The following DHX8 variants were observed in gnomAD, a reference collection of about 807,000 sequenced individuals.
DHX8 encodes the protein ATP-dependent RNA helicase DHX8.
DHX8 carries 67 observed loss-of-function variants against 140.7 expected under a neutral mutation model. That is an observed-to-expected ratio of 0.48 (90% CI 0.39 to 0.58). The LOEUF (loss-of-function observed/expected upper bound fraction) is 0.58, where lower values mean the gene tolerates loss of function less well. Among genes scored for constraint, DHX8 ranks in the 20% least tolerant of loss-of-function variants. The probability of loss-of-function intolerance (pLI) is 0.00; values close to 1 mark genes in which losing one functional copy is unlikely to be tolerated. For missense variants in DHX8, 887 were observed against 1,550.7 expected, an observed-to-expected ratio of 0.57 and a Z score of 7.19; for synonymous variants, 533 against 553.2, an observed-to-expected ratio of 0.96 and a Z score of 0.51.
intron 9 of DHX8, among the ~76,000 whole-genome samples, chr17:43,497,233 A>G (rs987028072): frequency 1.3e-5 from 2 of 151,312 alleles, no homozygotes; most frequent in Non-Finnish European, 2.9e-5. Flanking sequence ...TTTGACTTAC[A>G]TATTTTTGAT....
At chr17:43,531,312 T>G (rs912097358), downstream of DHX8, among the ~76,000 whole-genome samples, 3 of 152,222 alleles carry the variant, frequency 2.0e-5, no homozygotes, top group Non-Finnish European at 4.4e-5. Context: ...TTCCTGGGAC[T>G]GGCCCTCCTT....
rs143085637 is a variant in DHX8, at chr17:43,521,895, G to A, written c.3264-152G>A. The A allele has an allele frequency of 2.4e-5, 19 of 794,054 alleles. No individual in the cohort carries two copies. The East Asian group carries it at 4.4e-4, about 18-fold the overall frequency. 49.2% of individuals were successfully genotyped at this position (794,054 alleles called of 1,614,324 possible). A position where few individuals can be genotyped will look rare whatever the true frequency, so the allele number is the denominator to read the frequency against. The stretch of plus-strand genomic sequence containing the variant: ...CTCTGAGTGCCTCCGTCTGCCCACT[G>A]TGTAGAGCTGCCTCTGTAGTACACT... On this transcript the variant is annotated intron_variant, in intron 21 of 22. Coordinates refer to ENST00000262415, the MANE Select transcript of DHX8 (RefSeq NM_004941.3).
rs771346790 is a variant in DHX8, at chr17:43,484,206, G to A, written c.148+21G>A. 17 of 1,608,766 alleles carry A rather than the reference G, an allele frequency of 1.1e-5. No homozygotes were observed. The Admixed American group carries it at 2.9e-4, about 27-fold the overall frequency. On this transcript the variant is annotated intron_variant, in intron 1 of 22. Transcript: ENST00000262415. ...CCTTGGTGAGCTCGGGGAGGTCCCT[G>A]GGACCTCAGTTTGGGATTGAGGGAA... is the stretch of plus-strand genomic sequence containing the variant.
intron 2 of DHX8, chr17:43,532,835 C>A (rs765042888): frequency 6.2e-7 from 1 of 1,613,774 alleles, no homozygotes; most frequent in Admixed American, 1.7e-5. Flanking sequence ...ATAGGGTGGG[C>A]AGGGCTCCGA....
chr17:43,529,763 G>C, downstream of DHX8: 1 of 1,591,230 alleles, frequency 6.3e-7, no homozygotes, highest in Non-Finnish European at 8.6e-7. Flanking sequence ...TTCTCGAAGG[G>C]GTCTCCCCAG....
At chr17:43,493,651 A>G in intron 7 of DHX8, 32 bp from the exon 8 acceptor site, 1 of 1,614,216 alleles carries the variant, frequency 6.2e-7, no homozygotes, top group Non-Finnish European at 8.5e-7. Context: ...GAGGACAGCA[A>G]GTGAGACAGC....
At chr17:43,513,082 A>G (rs1241373214) in intron 16 of DHX8, among the ~76,000 whole-genome samples, 3 of 152,214 alleles carry the variant, frequency 2.0e-5, no homozygotes, top group Non-Finnish European at 4.4e-5. Flanking sequence ...TGAGATACAC[A>G]GTAGCTATTT....
chr17:43,533,796 C>G, intron 2 of DHX8: 1 of 1,580,594 alleles, frequency 6.3e-7, no homozygotes, highest in Admixed American at 1.9e-5. Flanking sequence ...CTCATGGGTG[C>G]CCCCTGCCTC....
intron 2 of DHX8, chr17:43,534,076 C>T: frequency 7.6e-7 from 1 of 1,318,460 alleles, no homozygotes; most frequent in Non-Finnish European, 9.8e-7. Context: ...TGAGGACCAG[C>T]TGGGTGACTG....
chr17:43,506,932 T>C (rs1203057578), intron 12 of DHX8, 71 bp from the exon 13 acceptor site: 3 of 1,194,076 alleles, frequency 2.5e-6, no homozygotes, highest in Non-Finnish European at 3.5e-6. Flanking sequence ...ACCATATTTA[T>C]ATTCTGTTTA....
chr17:43,542,550 C>A (rs1351284548), intron 3 of DHX8, among the ~76,000 whole-genome samples: 1 of 152,164 alleles, frequency 6.6e-6, no homozygotes, highest in Non-Finnish European at 1.5e-5. Context: ...TCCCCAACAT[C>A]TCAACAGATC....
At chr17:43,534,442 C>T (rs1971128615) in intron 2 of DHX8, among the ~76,000 whole-genome samples, 1 of 152,050 alleles carries the variant, frequency 6.6e-6, no homozygotes. Context: ...TGCAGTGAGC[C>T]GAGATCATGC....
chr17:43,522,924 G>C (rs1291510668), intron 22 of DHX8, among the ~76,000 whole-genome samples: 8 of 148,700 alleles, frequency 5.4e-5, no homozygotes, highest in Non-Finnish European at 4.5e-5. Context: ...TTAGCCAGGC[G>C]TGGTGGCAGG....
At chr17:43,535,363 C>T (rs186705807) in intron 2 of DHX8, among the ~76,000 whole-genome samples, 1 of 152,112 alleles carries the variant, frequency 6.6e-6, no homozygotes, top group Non-Finnish European at 1.5e-5. Flanking sequence ...CTGCAACCTC[C>T]GCCTCCCAGG....
At chr17:43,502,250 A>G (rs1016303912) in intron 11 of DHX8, among the ~76,000 whole-genome samples, 2 of 152,212 alleles carry the variant, frequency 1.3e-5, no homozygotes, top group African/African-American at 4.8e-5. Context: ...TGCATGTAAT[A>G]GAGATTCAAA....
chr17:43,530,479 G>A, downstream of DHX8: 1 of 1,294,124 alleles, frequency 7.7e-7, no homozygotes, highest in Non-Finnish European at 9.9e-7. Flanking sequence ...TGTTTCCTGC[G>A]AGTTCAGGGG....
intron 4 of DHX8, among the ~76,000 whole-genome samples, chr17:43,491,657 C>T (rs2127224): frequency 0.22 from 33,685 of 151,878 alleles, 3,985 homozygotes; most frequent in East Asian, 0.32. Context: ...ACCTGGATAA[C>T]AGCAGTGAAC....
chr17:43,525,121 A>G lies in DHX8; in HGVS notation c.*1274A>G, dbSNP rs1970567966. 3 of 985,286 alleles carry G rather than the reference A, an allele frequency of 3.0e-6. No homozygotes were observed. Among genetic ancestry groups the G allele is most frequent in the South Asian group, 9.4e-5 (2 of 21,284 alleles). The allele number at this position is 985,286 out of a possible 1,614,324, so 61.0% of individuals were successfully genotyped here. A position where few individuals can be genotyped will look rare whatever the true frequency, so the allele number is the denominator to read the frequency against. On this transcript the variant is annotated 3_prime_UTR_variant, in exon 23 of 23. Coordinates refer to ENST00000262415, the MANE Select transcript of DHX8 (RefSeq NM_004941.3). ...GAGGAGGCTCCTTACCTGGCGGAAC[A>G]TCAGGCAGGTCTTGCCAGGCCAGGT...
intron 5 of DHX8, 83 bp from the exon 6 acceptor site, chr17:43,492,598 A>G (rs930566872): frequency 1.8e-5 from 14 of 785,762 alleles, no homozygotes; most frequent in Non-Finnish European, 2.8e-5. Flanking sequence ...TACCATGTGC[A>G]TGGCACTGTA....
Sources: allele counts gnomAD v4.1 joint callset (sites outside exome capture counted in the v4.1 genomes callset), GRCh38; gene constraint gnomAD v4.1.1; transcripts MANE v1.5; gene names NCBI Gene and HGNC (gene_info 2026-07-23, HGNC 2026-07-21).